DPY19L1: variants seen among roughly 807,000 people sequenced by gnomAD.
DPY19L1 encodes the protein dpy-19 like C-mannosyltransferase 1, also known as protein C-mannosyl-transferase DPY19L1.
DPY19L1 carries 35 observed loss-of-function variants against 96.9 expected under a neutral mutation model. The ratio of observed to expected loss-of-function variants is 0.36; its 90% CI spans 0.28 to 0.48. DPY19L1 has a LOEUF of 0.48. Among genes scored for constraint, DPY19L1 ranks in the 20% least tolerant of loss-of-function variants. The pLI is 0.99. For synonymous variants in DPY19L1, 205 were observed against 252.6 expected (o/e 0.81, Z 1.79); for missense variants, 521 against 777.9 (o/e 0.67, Z 3.93).
At chr7:34,997,733 T>G (rs1170446274) in intron 6 of DPY19L1, among the ~76,000 whole-genome samples, 1 of 152,092 alleles carries the variant, frequency 6.6e-6, no homozygotes, top group Non-Finnish European at 1.5e-5. Context: ...TTGATTTTTT[T>G]AAAATAAAGA....
chr7:35,011,853 T>C (rs552960625), intron 4 of DPY19L1, among the ~76,000 whole-genome samples: 1 of 152,354 alleles, frequency 6.6e-6, no homozygotes, highest in East Asian at 1.9e-4. Context: ...TCCAAGTGTC[T>C]AAAATGTATC....
chr7:34,938,232 G>A (rs1410059910), intron 20 of DPY19L1, 113 bp from the exon 21 acceptor site: 2 of 1,235,044 alleles, frequency 1.6e-6, no homozygotes, highest in African/African-American at 1.5e-5. Flanking sequence ...ATCCAGTCAG[G>A]AGGAAATTCC....
intron 6 of DPY19L1, among the ~76,000 whole-genome samples, chr7:35,010,162 G>A (rs868107506): frequency 6.6e-6 from 1 of 152,108 alleles, no homozygotes; most frequent in Non-Finnish European, 1.5e-5. Flanking sequence ...CCCAGGAGGC[G>A]GAGGTTGCAG....
At chr7:35,003,819 G>GAGCC (rs1785488251) in intron 6 of DPY19L1, among the ~76,000 whole-genome samples, 1 of 152,250 alleles carries the variant, frequency 6.6e-6, no homozygotes, top group Admixed American at 6.5e-5. Flanking sequence ...GCTTGGTGCA[G>GAGCC]AGCCAGTGTA....
intron 7 of DPY19L1, among the ~76,000 whole-genome samples, chr7:34,979,736 AAT>A (rs1784900844): frequency 6.6e-6 from 1 of 152,168 alleles, no homozygotes; most frequent in South Asian, 2.1e-4. Flanking sequence ...AGATTAATAA[AAT>A]ATGTGAAAAA....
At chr7:35,030,434 T>TA (rs1332413811) in intron 1 of DPY19L1, among the ~76,000 whole-genome samples, 12 of 152,328 alleles carry the variant, frequency 7.9e-5, no homozygotes, top group African/African-American at 2.9e-4. Flanking sequence ...AACTAGTAGA[T>TA]AAAATCACAC....
chr7:34,977,500 G>T (rs1051834048), intron 7 of DPY19L1, among the ~76,000 whole-genome samples: 1 of 152,106 alleles, frequency 6.6e-6, no homozygotes, highest in Non-Finnish European at 1.5e-5. Context: ...GTAATGAAGG[G>T]CAAGGTCTTC....
chr7:34,931,535 C>T lies in DPY19L1; in HGVS notation c.*38G>A, dbSNP rs1451248490. 3.4e-6 allele frequency: 5 copies of T among 1,491,932 alleles called. No individual in the cohort carries two copies. Among genetic ancestry groups the T allele is most frequent in the Admixed American group, 4.8e-5 (2 of 41,606 alleles). The allele number at this position is 1,491,932 out of a possible 1,614,324, so 92.4% of individuals were successfully genotyped here. ...ACTTAGCAAAACATTAAAACCATTACAGATGTAGTTCTCCGTAGGCAGCAG... is the reference window on the plus strand; with the variant it reads ...ACTTAGCAAAACATTAAAACCATTATAGATGTAGTTCTCCGTAGGCAGCAG... On this transcript the variant is annotated 3_prime_UTR_variant, in exon 22 of 22. Coordinates refer to ENST00000638088, the MANE Select transcript of DPY19L1 (RefSeq NM_001366673.1).
intron 5 of DPY19L1, 125 bp from the exon 6 acceptor site, chr7:35,010,686 G>T (rs1341224476): frequency 4.3e-6 from 3 of 693,224 alleles, no homozygotes; most frequent in Non-Finnish European, 7.5e-6. Context: ...TAGCTGCCTT[G>T]GTTCCCACAT....
chr7:35,036,805 T>C lies in DPY19L1; in HGVS notation c.298+292A>G, dbSNP rs566787786. Among the ~76,000 whole-genome samples, 2 of 152,040 alleles carry C rather than the reference T, an allele frequency of 1.3e-5. 1 individual carries two copies. The highest frequency in any genetic ancestry group is 4.8e-5 in the African/African-American group (2 of 41,486). On this transcript the variant is annotated intron_variant, in intron 1 of 21. Coordinates refer to ENST00000638088, the MANE Select transcript of DPY19L1 (RefSeq NM_001366673.1). ...TCAAGTCTCGTTAGCGCAGACCTGCTGCCCGCGGCCAGGCCGGGCAGCTGT... is the reference window on the plus strand; with the variant it reads ...TCAAGTCTCGTTAGCGCAGACCTGCCGCCCGCGGCCAGGCCGGGCAGCTGT...
chr7:35,033,222 T>A (rs942332396), intron 1 of DPY19L1, among the ~76,000 whole-genome samples: 1 of 152,246 alleles, frequency 6.6e-6, no homozygotes, highest in African/African-American at 2.4e-5. Context: ...TTTCTTTCTA[T>A]CGGTCTCAGC....
intron 18 of DPY19L1, among the ~76,000 whole-genome samples, chr7:34,940,562 C>T (rs1426235329): frequency 6.6e-6 from 1 of 152,072 alleles, no homozygotes; most frequent in South Asian, 2.1e-4. Flanking sequence ...GCTTTCACTA[C>T]TCCCAGATTC....
intron 6 of DPY19L1, among the ~76,000 whole-genome samples, chr7:35,006,587 C>T (rs1785562510): frequency 6.6e-6 from 1 of 152,040 alleles, no homozygotes; most frequent in African/African-American, 2.4e-5. Context: ...TTATGAAATA[C>T]ATAACGTAAG....
At chr7:35,020,324 A>C (rs1380812180) in intron 1 of DPY19L1, among the ~76,000 whole-genome samples, 7 of 152,186 alleles carry the variant, frequency 4.6e-5, no homozygotes, top group African/African-American at 1.7e-4. Context: ...TTCACTTATA[A>C]AATTAATTTG....
intron 16 of DPY19L1, among the ~76,000 whole-genome samples, chr7:34,943,966 T>G (rs192990407): frequency 2.3e-4 from 35 of 152,310 alleles, no homozygotes; most frequent in Non-Finnish European, 5.0e-4. Context: ...TGTTTCTAAA[T>G]GAGAACAAGG....
At position 34,973,608 on chromosome 7, in the gene DPY19L1, G is replaced by GA. The variant is rs757785932; in HGVS notation, c.823-4dup. On this transcript the variant is annotated splice_region_variant and splice_polypyrimidine_tract_variant and intron_variant, in intron 7 of 21. Transcript: ENST00000638088. ...GGTGTCCACATTACACGGGTACACT[G>GA]AAAAAAAAAATTTGTAGTATAGTAT... 2.2e-3 allele frequency: 2,953 copies of GA among 1,363,096 alleles called. 1 individual carries two copies. The highest frequency in any genetic ancestry group is 5.0e-3 in the South Asian group (257 of 51,760). The allele number at this position is 1,363,096 out of a possible 1,614,324, so 84.4% of individuals were successfully genotyped here. A position where few individuals can be genotyped will look rare whatever the true frequency, so the allele number is the denominator to read the frequency against.
intron 7 of DPY19L1, among the ~76,000 whole-genome samples, chr7:34,983,982 A>G (rs1784995163): frequency 7.1e-6 from 1 of 140,840 alleles, no homozygotes. Context: ...CATTCAGAGG[A>G]ACAATAAGAA....
intron 7 of DPY19L1, chr7:34,987,857 CA>C (rs1200163504): frequency 6.6e-6 from 1 of 151,992 alleles, no homozygotes; most frequent in East Asian, 1.9e-4. Flanking sequence ...TTTATGCTCT[CA>C]ATTTTAATGC....
intron 16 of DPY19L1, among the ~76,000 whole-genome samples, chr7:34,942,890 G>A (rs1784054369): frequency 1.3e-5 from 2 of 152,136 alleles, no homozygotes; most frequent in African/African-American, 2.4e-5. Flanking sequence ...GGACAACAAA[G>A]GCACACGGTG....
Sources: gnomAD v4.1 joint callset for allele counts (sites outside exome capture counted in the v4.1 genomes callset) on GRCh38, gnomAD v4.1.1 for gene constraint, MANE v1.5 for transcripts, NCBI Gene and HGNC (gene_info 2026-07-23, HGNC 2026-07-21) for gene names.